DDIAS: variants seen among roughly 807,000 people sequenced by gnomAD.
DDIAS encodes the protein DNA damage-induced apoptosis suppressor protein.
A neutral mutation model predicts 15.7 loss-of-function variants in DDIAS; 14 were observed. That is an observed-to-expected ratio of 0.89 (90% confidence interval 0.59 to 1.39). The LOEUF (loss-of-function observed/expected upper bound fraction) is 1.39. Among genes scored for constraint, DDIAS ranks in the 40% most tolerant of loss-of-function variants. The pLI is 0.00. For missense variants in DDIAS, 1,035 were observed against 1,130.9 expected, an observed-to-expected ratio of 0.92 and a Z score of 1.22; for synonymous variants, 355 against 395.9, an observed-to-expected ratio of 0.90 and a Z score of 1.23.
At position 82,931,722 on chromosome 11, in the gene DDIAS, T is replaced by G. The variant is rs372088956; in HGVS notation, c.394-10T>G. On this transcript the variant is annotated splice_polypyrimidine_tract_variant and intron_variant, in intron 5 of 5. Transcript: ENST00000533655. ...TTATTCTTACTTAAATTTCTTTGCT[T>G]CTTTCACAGAATTTTGAAAACCAAC... is the stretch of plus-strand genomic sequence containing the variant. 1.9e-6 allele frequency: 3 copies of G among 1,565,624 alleles called. No individual in the cohort carries two copies. The highest frequency in any genetic ancestry group is 2.6e-6 in the Non-Finnish European group (3 of 1,160,968).
intron 1 of DDIAS, among the ~76,000 whole-genome samples, chr11:82,904,687 A>G (rs981509206): frequency 6.6e-6 from 1 of 152,210 alleles, no homozygotes; most frequent in African/African-American, 2.4e-5. Context: ...GAGCCCAGCA[A>G]TCTGTTTTAT....
chr11:82,926,940 A>G (rs537174362), intron 3 of DDIAS, among the ~76,000 whole-genome samples: 3 of 152,332 alleles, frequency 2.0e-5, no homozygotes, highest in Admixed American at 6.5e-5. Context: ...TGATACTGTC[A>G]TTGCAAGCAG....
chr11:82,930,319 A>C, intron 5 of DDIAS, 45 bp downstream of exon 5: 2 of 1,311,988 alleles, frequency 1.5e-6, no homozygotes, highest in Non-Finnish European at 2.2e-6. Flanking sequence ...TAACATTTCC[A>C]TTGTAATGAA....
Position 82,930,140 on chromosome 11 carries a change from C to CT in DDIAS, c.276-10dup, listed in dbSNP as rs1860952346. ...AAAGTTCATTGCTTCACATTTTTTA[C>CT]TTTTTTTCCAATCAAGGTACATTCA... On this transcript the variant is annotated splice_polypyrimidine_tract_variant and intron_variant, in intron 4 of 5. Coordinates refer to ENST00000533655, the MANE Select transcript of DDIAS (RefSeq NM_145018.4). 1 of 1,435,418 alleles carries CT rather than the reference C, an allele frequency of 7.0e-7. No homozygotes were observed. Among genetic ancestry groups the CT allele is most frequent in the African/African-American group, 1.4e-5 (1 of 69,212 alleles). The allele number at this position is 1,435,418 out of a possible 1,614,324, so 88.9% of individuals were successfully genotyped here.
chr11:82,917,129 T>A (rs1860647212), intron 3 of DDIAS, among the ~76,000 whole-genome samples: 1 of 148,322 alleles, frequency 6.7e-6, no homozygotes, highest in African/African-American at 2.5e-5. Flanking sequence ...TTTTTAAAAC[T>A]ATTTCCATAA....
intron 1 of DDIAS, among the ~76,000 whole-genome samples, chr11:82,912,033 A>T (rs1449953167): frequency 6.6e-6 from 1 of 152,194 alleles, no homozygotes. Context: ...TGCCATAAAC[A>T]GATGTGCTGT....
chr11:82,930,839 AC>A (rs756220844), intron 5 of DDIAS, among the ~76,000 whole-genome samples: 21 of 152,098 alleles, frequency 1.4e-4, no homozygotes, highest in Admixed American at 5.2e-4. Context: ...TTTTTTCCAC[AC>A]TGGAATCAGG....
Position 82,930,145 on chromosome 11 carries a change from T to C in DDIAS, c.276-12T>C, listed in dbSNP as rs776112178. The C allele has an allele frequency of 3.4e-6, 5 of 1,470,186 alleles. No individual in the cohort carries two copies. In the South Asian group the frequency reaches 3.7e-5, roughly 11 times the overall value. The allele number at this position is 1,470,186 out of a possible 1,614,324, so 91.1% of individuals were successfully genotyped here. ...TCATTGCTTCACATTTTTTACTTTT[T>C]TTCCAATCAAGGTACATTCAGGATC... On this transcript the variant is annotated splice_polypyrimidine_tract_variant and intron_variant, in intron 4 of 5. Transcript: ENST00000533655.
chr11:82,933,941 C>G lies in DDIAS; in HGVS notation c.2603C>G (p.Thr868Ser), dbSNP rs576907838. 8 of 1,612,456 alleles carry G rather than the reference C, an allele frequency of 5.0e-6. No individual in the cohort carries two copies. The African/African-American group carries it at 1.1e-4, about 22-fold the overall frequency. Reference sequence around the variant, plus strand: ...GATAGTGATGAATGGGTCCCTCCTACCACACAAAAAATATTTCCTTCAGAT... The same window carrying G: ...GATAGTGATGAATGGGTCCCTCCTAGCACACAAAAAATATTTCCTTCAGAT... ...ETDSDEWVPP[T>S]TQKIFPSDML... Residue 868 changes from threonine (T) to serine (S), a missense_variant, in exon 6 of 6, where the codon ACC (threonine) becomes AGC (serine). Thr to Ser is a moderately conservative substitution (Grantham distance 58). Transcript: ENST00000533655.
At position 82,933,427 on chromosome 11, in the gene DDIAS, T is replaced by A. The variant is rs1288610851; in HGVS notation, c.2089T>A (p.Ser697Thr). 1 of 1,613,758 alleles carries A rather than the reference T, an allele frequency of 6.2e-7. No homozygotes were observed. Among genetic ancestry groups the A allele is most frequent in the Non-Finnish European group, 8.5e-7 (1 of 1,179,936 alleles). ...CATTGCAACTGAGATTACCAAAAAA[T>A]CACAGGATATTTTGTTAAAATGGGG... ...MDIATEITKK[S>T]QDILLKWGTS... The change falls in exon 6 of 6, where the codon TCA becomes ACA. Residue 697 changes from serine (S) to threonine (T), a missense_variant. Ser to Thr is a moderately conservative substitution (Grantham distance 58). Coordinates refer to ENST00000533655, the MANE Select transcript of DDIAS (RefSeq NM_145018.4).
intron 3 of DDIAS, among the ~76,000 whole-genome samples, chr11:82,922,275 G>A (rs1307353652): frequency 6.6e-6 from 1 of 152,136 alleles, no homozygotes; most frequent in Non-Finnish European, 1.5e-5. Context: ...GGCCGGGGAA[G>A]GTTTCCTCAA....
At chr11:82,916,894 T>G (rs1421596006) in intron 3 of DDIAS, among the ~76,000 whole-genome samples, 1 of 152,196 alleles carries the variant, frequency 6.6e-6, no homozygotes, top group Non-Finnish European at 1.5e-5. Context: ...CAATCTGAAT[T>G]CTGTCTACCT....
intron 1 of DDIAS, among the ~76,000 whole-genome samples, chr11:82,904,191 A>G (rs576791713): frequency 1.6e-4 from 24 of 152,350 alleles, no homozygotes; most frequent in African/African-American, 5.8e-4. Flanking sequence ...TTATACTTTT[A>G]TGTTCTCTTC....
At chr11:82,913,674 T>A (rs1860567631) in intron 2 of DDIAS, 1 of 436,092 alleles carries the variant, frequency 2.3e-6, no homozygotes, top group South Asian at 1.7e-5. Flanking sequence ...ATGAGCACAC[T>A]GAAATCTAAT....
Position 82,933,531 on chromosome 11 carries a change from AC to A in DDIAS, c.2194del (p.Gln732LysfsTer57). 1 of 1,614,120 alleles carries A rather than the reference AC, an allele frequency of 6.2e-7. No homozygotes were observed. Among genetic ancestry groups the A allele is most frequent in the Non-Finnish European group, 8.5e-7 (1 of 1,180,004 alleles). On this transcript the variant is annotated frameshift_variant, in exon 6 of 6. Transcript: ENST00000533655. LOFTEE classifies it low-confidence loss of function (END_TRUNC). Reference protein sequence around the residue: ...SLSEDFIQPSQKLSLQSLSDS... With the variant: ...SLSEDFIQPSXKLSLQSLSDS... ...TTTCTGAAGACTTCATCCAGCCTTC[AC>A]AAAAATTATCCTTGCAAAGCCTATC... is the stretch of plus-strand genomic sequence containing the variant.
intron 1 of DDIAS, among the ~76,000 whole-genome samples, 180 bp from the exon 2 acceptor site, chr11:82,913,107 A>C (rs557575031): frequency 1.2e-4 from 18 of 152,358 alleles, no homozygotes; most frequent in African/African-American, 4.3e-4. Context: ...CCAAAATGTG[A>C]GATGGAAGGT....
chr11:82,926,163 C>T (rs532728560), intron 3 of DDIAS, among the ~76,000 whole-genome samples: 2 of 149,584 alleles, frequency 1.3e-5, no homozygotes, highest in Non-Finnish European at 2.9e-5. Flanking sequence ...AATCTCAGCT[C>T]ACCACAACCT....
rs756120091 is a variant in DDIAS at position 82,933,754 on chromosome 11, G to GA, written c.2422dup (p.Ile808AsnfsTer6). On this transcript the variant is annotated frameshift_variant, in exon 6 of 6. Coordinates refer to ENST00000533655, the MANE Select transcript of DDIAS (RefSeq NM_145018.4). LOFTEE classifies it low-confidence loss of function (END_TRUNC). ...TTATTCAGATCTTGATGGTAACTAT[G>GA]AAAAAATAAGGATTTTCCCTGAAAA... The GA allele has an allele frequency of 1.7e-5, 28 of 1,609,674 alleles. No individual in the cohort carries two copies. The highest frequency in any genetic ancestry group is 4.0e-5 in the African/African-American group (3 of 74,414).
intron 3 of DDIAS, chr11:82,922,508 G>A (rs1860774256): frequency 6.6e-6 from 1 of 152,102 alleles, no homozygotes; most frequent in Non-Finnish European, 1.5e-5. Flanking sequence ...CTATTGCTGG[G>A]ACTTTCCAGA....
Sources: allele counts gnomAD v4.1 joint callset (sites outside exome capture counted in the v4.1 genomes callset), GRCh38; gene constraint gnomAD v4.1.1; transcripts MANE v1.5; gene names NCBI Gene and HGNC (gene_info 2026-07-23, HGNC 2026-07-21).